Variants in KLF12 observed in about 807,000 individuals in gnomAD.
KLF12 encodes the protein Krueppel-like factor 12.
Under a neutral mutation model 37.8 loss-of-function variants are expected in KLF12, and 9 were observed. The observed-to-expected ratio is 0.24, with a 90% confidence interval of 0.14 to 0.42. The LOEUF is 0.42. KLF12 is among the 10% of genes least tolerant of loss of function. KLF12 has a pLI of 1.00. For synonymous variants in KLF12, 208 were observed against 202.1 expected (o/e 1.03, Z -0.25); for missense variants, 411 against 516.0 (o/e 0.80, Z 1.97).
intron 1 of KLF12, among the ~76,000 whole-genome samples, chr13:74,115,980 G>A (rs561938588): frequency 7.9e-5 from 12 of 152,224 alleles, no homozygotes; most frequent in East Asian, 3.9e-4. Flanking sequence ...GGATTCACAC[G>A]TGGGTATATC....
In KLF12 at chr13:73,977,164, C is replaced by T. The variant is rs1471547876; in HGVS notation, c.33+17826G>A. On this transcript the variant is annotated intron_variant, in intron 2 of 7. Transcript: ENST00000377669. Reference sequence around the variant, plus strand: ...TTCCCAGGCTGAAGCACCTCAGCCTCCTGAATAGCTGGGACTACAGGCATG... The same window carrying T: ...TTCCCAGGCTGAAGCACCTCAGCCTTCTGAATAGCTGGGACTACAGGCATG... Among the ~76,000 whole-genome samples the T allele has an allele frequency of 8.6e-5, 13 of 151,852 alleles. No homozygotes were observed. The East Asian group carries it at 2.5e-3, about 29-fold the overall frequency.
At chr13:74,136,283 G>A (rs1878551899), upstream of KLF12, among the ~76,000 whole-genome samples, 1 of 152,164 alleles carries the variant, frequency 6.6e-6, no homozygotes, top group African/African-American at 2.4e-5. Flanking sequence ...GAATGCAGCC[G>A]CAACTCCCAC....
chr13:74,214,231 T>C, the KLF12 span, among the ~76,000 whole-genome samples: 2 of 152,310 alleles, frequency 1.3e-5, no homozygotes, highest in Non-Finnish European at 2.9e-5. Flanking sequence ...TGATGTTTTA[T>C]CAATTCTGCC....
At chr13:73,719,061 T>C (rs183964344) in intron 6 of KLF12, among the ~76,000 whole-genome samples, 3 of 152,370 alleles carry the variant, frequency 2.0e-5, no homozygotes, top group Admixed American at 2.0e-4. Flanking sequence ...TTGGTTCCCC[T>C]TTCTAAATGG....
chr13:74,047,599 A>AT (rs1491475805), intron 1 of KLF12, among the ~76,000 whole-genome samples: 1 of 49,634 alleles, frequency 2.0e-5, no homozygotes, highest in Non-Finnish European at 4.4e-5. Flanking sequence ...TCCATCTCAA[A>AT]TAAAAAAAAA....
intron 6 of KLF12, among the ~76,000 whole-genome samples, chr13:73,715,845 T>C (rs1875762273): frequency 6.6e-6 from 1 of 152,204 alleles, no homozygotes; most frequent in Non-Finnish European, 1.5e-5. Context: ...AGGGGTAAAT[T>C]ACCATCTCAC....
the KLF12 span, among the ~76,000 whole-genome samples, chr13:74,213,431 G>A: frequency 6.6e-6 from 1 of 151,924 alleles, no homozygotes; most frequent in African/African-American, 2.4e-5. Flanking sequence ...TTTTTGCTTT[G>A]GGCTTTTTTC....
At chr13:74,054,878 G>A (rs1315176052) in intron 1 of KLF12, among the ~76,000 whole-genome samples, 1 of 152,162 alleles carries the variant, frequency 6.6e-6, no homozygotes, top group African/African-American at 2.4e-5. Flanking sequence ...ACACTAATTT[G>A]AAATTAGCAA....
chr13:73,994,442 T>C (rs1445333297), intron 2 of KLF12, among the ~76,000 whole-genome samples: 2 of 148,042 alleles, frequency 1.4e-5, no homozygotes, highest in African/African-American at 4.9e-5. Flanking sequence ...ACCCACCATT[T>C]GAGGACTGTT....
chr13:74,273,461 T>C, the KLF12 span, among the ~76,000 whole-genome samples: 1 of 150,836 alleles, frequency 6.6e-6, no homozygotes, highest in African/African-American at 2.4e-5. Flanking sequence ...TTTTTTTTTC[T>C]GGAGCATGTA....
chr13:73,713,130 T>C (rs902214390), intron 7 of KLF12, among the ~76,000 whole-genome samples: 1 of 152,118 alleles, frequency 6.6e-6, no homozygotes, highest in African/African-American at 2.4e-5. Flanking sequence ...CTGGAGGTGT[T>C]TGATTTGGAG....
At chr13:74,108,838 A>G (rs538187720) in intron 1 of KLF12, among the ~76,000 whole-genome samples, 1 of 152,328 alleles carries the variant, frequency 6.6e-6, no homozygotes, top group South Asian at 2.1e-4. Context: ...AGGAGGAAGA[A>G]GAGGAAAAGG....
At chr13:73,775,980 G>C (rs1282701459) in intron 5 of KLF12, among the ~76,000 whole-genome samples, 1 of 152,024 alleles carries the variant, frequency 6.6e-6, no homozygotes, top group Non-Finnish European at 1.5e-5. Flanking sequence ...TGGTTCACAG[G>C]CATAATGAAA....
the KLF12 span, among the ~76,000 whole-genome samples, chr13:74,273,804 T>C: frequency 6.6e-6 from 1 of 152,122 alleles, no homozygotes; most frequent in East Asian, 1.9e-4. Context: ...GATTACATAA[T>C]GCATGGCAGC....
the KLF12 span, among the ~76,000 whole-genome samples, chr13:74,181,484 A>G: frequency 6.6e-6 from 1 of 151,276 alleles, no homozygotes; most frequent in African/African-American, 2.4e-5. Context: ...GGAGGAGACC[A>G]GCCTGGCCAA....
chr13:74,078,139 C>T (rs1473807741), intron 1 of KLF12, among the ~76,000 whole-genome samples: 2 of 152,170 alleles, frequency 1.3e-5, no homozygotes. Context: ...TACTGAGGGG[C>T]ATGGGAGTTC....
chr13:74,271,871 C>G, the KLF12 span, among the ~76,000 whole-genome samples: 1 of 152,126 alleles, frequency 6.6e-6, no homozygotes, highest in African/African-American at 2.4e-5. Flanking sequence ...GTATGGTGAC[C>G]AGACTCTAGC....
intron 1 of KLF12, among the ~76,000 whole-genome samples, chr13:74,088,366 T>C (rs1333117454): frequency 1.3e-5 from 2 of 152,054 alleles, no homozygotes; most frequent in Admixed American, 1.3e-4. Flanking sequence ...TCTCTGAGAT[T>C]ACAGACATAT....
chr13:74,207,085 G>A, the KLF12 span, among the ~76,000 whole-genome samples: 2 of 152,206 alleles, frequency 1.3e-5, no homozygotes, highest in Non-Finnish European at 2.9e-5. Flanking sequence ...TCATCTCATA[G>A]TGGAAAGGCA....
Sources: allele counts gnomAD v4.1 joint callset (sites outside exome capture counted in the v4.1 genomes callset), GRCh38; gene constraint gnomAD v4.1.1; transcripts MANE v1.5; gene names NCBI Gene and HGNC (gene_info 2026-07-23, HGNC 2026-07-21).